The following ZDHHC21 variants were observed in gnomAD, a reference collection of about 807,000 sequenced individuals.
ZDHHC21 encodes the protein palmitoyltransferase ZDHHC21.
Under a neutral mutation model 34.6 loss-of-function variants are expected in ZDHHC21, and 15 were observed. The observed-to-expected ratio is 0.43, with a 90% CI of 0.29 to 0.67. The LOEUF is 0.67. Among genes scored for constraint, ZDHHC21 ranks in the 30% least tolerant of loss-of-function variants. ZDHHC21 has a pLI of 0.14. For synonymous variants in ZDHHC21, 142 were observed against 101.8 expected, an observed-to-expected ratio of 1.40 and a Z score of -2.38; for missense variants, 344 against 327.7, an observed-to-expected ratio of 1.05 and a Z score of -0.38.
At chr9:14,594,544 T>C in the ZDHHC21 span, among the ~76,000 whole-genome samples, 4 of 152,114 alleles carry the variant, frequency 2.6e-5, no homozygotes, top group Admixed American at 6.6e-5. Context: ...CTTCACAGTA[T>C]ACATAAAAAT....
intron 8 of ZDHHC21, among the ~76,000 whole-genome samples, chr9:14,634,302 G>A (rs1422128330): frequency 6.6e-6 from 1 of 152,116 alleles, no homozygotes; most frequent in East Asian, 1.9e-4. Flanking sequence ...CATTACCCAC[G>A]CCATGCCCAT....
At chr9:14,626,859 A>G (rs1337779884) in intron 8 of ZDHHC21, among the ~76,000 whole-genome samples, 1 of 152,128 alleles carries the variant, frequency 6.6e-6, no homozygotes, top group East Asian at 1.9e-4. Context: ...TAAAAAAGCT[A>G]TAAAATCTTT....
At chr9:14,619,728 GTCTT>G (rs144063498) in intron 8 of ZDHHC21, 46 bp from the exon 9 acceptor site, 56,891 of 1,114,382 alleles carry the variant, frequency 0.051, 1,715 homozygotes, top group South Asian at 0.091. Context: ...AAGTTATTAA[GTCTT>G]TATTCTGTAT....
At chr9:14,611,027 G>A (rs16932056), downstream of ZDHHC21, 9 of 151,738 alleles carry the variant, frequency 5.9e-5, no homozygotes, top group African/African-American at 2.2e-4. Context: ...TAGAATTTGG[G>A]TTAATTTTCC....
chr9:14,665,018 GAGA>G (rs1289839245), intron 5 of ZDHHC21, among the ~76,000 whole-genome samples: 212 of 125,800 alleles, frequency 1.7e-3, no homozygotes, highest in African/African-American at 4.7e-3. Flanking sequence ...GACGAGCTGA[GAGA>G]AGAAGGCTTC....
chr9:14,679,053 A>G (rs1388451630), intron 3 of ZDHHC21, among the ~76,000 whole-genome samples: 1 of 152,134 alleles, frequency 6.6e-6, no homozygotes, highest in Non-Finnish European at 1.5e-5. Context: ...GCATGTTTCT[A>G]TTGATAATGG....
At chr9:14,687,480 G>A (rs534267514) in intron 2 of ZDHHC21, among the ~76,000 whole-genome samples, 2 of 150,748 alleles carry the variant, frequency 1.3e-5, no homozygotes, top group African/African-American at 5.0e-5. Context: ...AGGCTGGCCT[G>A]GCCAACATGT....
At chr9:14,594,197 G>C in the ZDHHC21 span, 2 of 152,144 alleles carry the variant, frequency 1.3e-5, no homozygotes, top group Non-Finnish European at 2.9e-5. Flanking sequence ...AATGGGCATG[G>C]TGAGCAGCAC....
chr9:14,589,057 A>G, the ZDHHC21 span: 1 of 152,174 alleles, frequency 6.6e-6, no homozygotes, highest in African/African-American at 2.4e-5. Context: ...TATGGCTCAT[A>G]AATTAGAGAA....
intron 8 of ZDHHC21, among the ~76,000 whole-genome samples, chr9:14,633,538 A>T (rs560798494): frequency 1.3e-5 from 2 of 152,228 alleles, no homozygotes; most frequent in South Asian, 4.2e-4. Context: ...GGAAGGCACC[A>T]TATTAAGAGT....
chr9:14,599,428 T>G, the ZDHHC21 span, among the ~76,000 whole-genome samples: 1 of 152,164 alleles, frequency 6.6e-6, no homozygotes, highest in African/African-American at 2.4e-5. Flanking sequence ...GACATTACAC[T>G]TTTTTCATGG....
chr9:14,691,627 A>T (rs1026005900), intron 1 of ZDHHC21, among the ~76,000 whole-genome samples: 8 of 152,188 alleles, frequency 5.3e-5, no homozygotes, highest in Non-Finnish European at 8.8e-5. Flanking sequence ...CAAAAGTGAC[A>T]CGGTCCTCAT....
chr9:14,623,906 C>T (rs1004074565), intron 8 of ZDHHC21, among the ~76,000 whole-genome samples: 4 of 151,978 alleles, frequency 2.6e-5, no homozygotes, highest in African/African-American at 9.7e-5. Context: ...AACCTTTACT[C>T]TTGTTGGGGA....
intron 3 of ZDHHC21, chr9:14,677,284 A>T (rs755572697): frequency 6.8e-6 from 1 of 146,726 alleles, no homozygotes; most frequent in Non-Finnish European, 1.5e-5. Context: ...TGTTGAATAT[A>T]TTTTTTTTAA....
chr9:14,686,231 G>A (rs1838304334), intron 2 of ZDHHC21, among the ~76,000 whole-genome samples: 1 of 151,736 alleles, frequency 6.6e-6, no homozygotes, highest in Non-Finnish European at 1.5e-5. Context: ...AATAAAAAAA[G>A]AAAGAAGAAA....
At position 14,619,634 on chromosome 9, in the gene ZDHHC21, CT is replaced by C; in HGVS notation, c.665+4del. On this transcript the variant is annotated splice_donor_region_variant and intron_variant, in intron 9 of 9. Coordinates refer to ENST00000380916, the MANE Select transcript of ZDHHC21 (RefSeq NM_178566.6). ...TAATACTATACACTTCAGTTTTATACTTACATATCTTCACAACAGTTTGACA... is the reference window on the plus strand; with the variant it reads ...TAATACTATACACTTCAGTTTTATACTACATATCTTCACAACAGTTTGACA... 7.1e-7 allele frequency: 1 copy of C among 1,413,426 alleles called. No homozygotes were observed. The highest frequency in any genetic ancestry group is 9.7e-7 in the Non-Finnish European group (1 of 1,029,036). 87.6% of individuals were successfully genotyped at this position (1,413,426 alleles called of 1,614,324 possible).
chr9:14,660,126 G>A (rs2133925057), intron 6 of ZDHHC21, among the ~76,000 whole-genome samples: 1 of 152,208 alleles, frequency 6.6e-6, no homozygotes, highest in Non-Finnish European at 1.5e-5. Flanking sequence ...AGAACTTTGG[G>A]AGGCCGAGGG....
At chr9:14,651,971 T>C (rs992278924) in intron 7 of ZDHHC21, among the ~76,000 whole-genome samples, 1 of 151,896 alleles carries the variant, frequency 6.6e-6, no homozygotes, top group East Asian at 1.9e-4. Flanking sequence ...ATATTTAAAG[T>C]CAAACATTAC....
At chr9:14,682,629 G>A (rs377678664) in intron 2 of ZDHHC21, among the ~76,000 whole-genome samples, 1 of 151,940 alleles carries the variant, frequency 6.6e-6, no homozygotes, top group Non-Finnish European at 1.5e-5. Context: ...TTAGATCAAC[G>A]AGACAGGAAG....
Sources: allele counts gnomAD v4.1 joint callset (sites outside exome capture counted in the v4.1 genomes callset), GRCh38; gene constraint gnomAD v4.1.1; transcripts MANE v1.5; gene names NCBI Gene and HGNC (gene_info 2026-07-23, HGNC 2026-07-21).